Variants in GIGYF2 observed in about 807,000 individuals in gnomAD.
GIGYF2 encodes GRB10 interacting GYF protein 2, also known as GRB10-interacting GYF protein 2.
In GIGYF2, 25 loss-of-function variants were observed where a neutral mutation model predicts 208.1. That is an observed-to-expected ratio of 0.12 (90% CI 0.09 to 0.17). GIGYF2 has a LOEUF of 0.17. GIGYF2 is among the 10% of genes least tolerant of loss of function. GIGYF2 has a pLI of 1.00. For synonymous variants in GIGYF2, 534 were observed against 543.8 expected (o/e 0.98, Z 0.25); for missense variants, 1,302 against 1,579.4 (o/e 0.82, Z 2.98).
At chr2:232,731,317 G>A (rs1697485104) in intron 2 of GIGYF2, 2 of 152,146 alleles carry the variant, frequency 1.3e-5, no homozygotes, top group African/African-American at 4.8e-5. Context: ...TTCACAAATA[G>A]CAAATACTTT....
rs1448827108 is a variant in GIGYF2 at position 232,770,844 on chromosome 2, G to A, written c.532+9408G>A. On this transcript the variant is annotated intron_variant, in intron 8 of 28. Transcript: ENST00000373563. ...CTGACTATACCCTTTCCAAACACCT[G>A]TAGTTTTGTTTTGTTTTGTTTTTGT... The A allele has an allele frequency of 6.8e-6, 8 of 1,184,858 alleles. No individual in the cohort carries two copies. In the African/African-American group the frequency reaches 1.2e-4, roughly 18 times the overall value. The allele number at this position is 1,184,858 out of a possible 1,614,324, so 73.4% of individuals were successfully genotyped here. A position where few individuals can be genotyped will look rare whatever the true frequency, so the allele number is the denominator to read the frequency against.
At chr2:232,798,708 A>G (rs972009226) in intron 14 of GIGYF2, among the ~76,000 whole-genome samples, 47 of 150,772 alleles carry the variant, frequency 3.1e-4, no homozygotes, top group African/African-American at 1.1e-3. Context: ...CTGGCCATCT[A>G]TTTGTCCTCT....
intron 12 of GIGYF2, among the ~76,000 whole-genome samples, chr2:232,792,433 A>G (rs1435747947): frequency 6.6e-6 from 1 of 152,110 alleles, no homozygotes; most frequent in Non-Finnish European, 1.5e-5. Context: ...AAAGCTGATT[A>G]TTTTTTTAAA....
In GIGYF2 at chr2:232,768,544, A is replaced by G. The variant is rs770861822; in HGVS notation, c.532+7108A>G. The G allele has an allele frequency of 4.3e-6, 7 of 1,614,026 alleles. No homozygotes were observed. In the East Asian group the frequency reaches 1.6e-4, roughly 36 times the overall value. On this transcript the variant is annotated intron_variant, in intron 8 of 28. Transcript: ENST00000373563. ...GGACTTGATGGTGTAATGGAGTGAT[A>G]GTACGTTAGTGGAAAGATGAAGAAT...
intron 28 of GIGYF2, among the ~76,000 whole-genome samples, chr2:232,854,210 G>T (rs1191286818): frequency 6.6e-6 from 1 of 152,110 alleles, no homozygotes; most frequent in Non-Finnish European, 1.5e-5. Context: ...ATAAACATTA[G>T]GGTCAGGCAC....
intron 2 of GIGYF2, among the ~76,000 whole-genome samples, chr2:232,710,295 C>T (rs1000630413): frequency 1.3e-5 from 2 of 151,982 alleles, no homozygotes; most frequent in Non-Finnish European, 2.9e-5. Flanking sequence ...CGCTATGTTA[C>T]CTAGGCTGGT....
chr2:232,798,789 C>T (rs1279822670), intron 14 of GIGYF2, among the ~76,000 whole-genome samples: 1 of 148,690 alleles, frequency 6.7e-6, no homozygotes, highest in Non-Finnish European at 1.5e-5. Context: ...GCTTATTTTA[C>T]GTTTTTTTTT....
chr2:232,752,755 T>G (rs1698384055), intron 5 of GIGYF2, among the ~76,000 whole-genome samples: 1 of 152,140 alleles, frequency 6.6e-6, no homozygotes, highest in African/African-American at 2.4e-5. Context: ...TTAGCCAGGA[T>G]GGTCTCGATC....
chr2:232,770,608 ATT>A (rs60972218), intron 8 of GIGYF2, among the ~76,000 whole-genome samples: 117 of 149,916 alleles, frequency 7.8e-4, no homozygotes, highest in African/African-American at 1.3e-3. Context: ...CCTTTTGTTA[ATT>A]TTTTTTTTTT....
chr2:232,770,857 GTTTTGTTTTTGT>G lies in GIGYF2; in HGVS notation c.532+9432_532+9443del, dbSNP rs763335927. On this transcript the variant is annotated intron_variant, in intron 8 of 28. Coordinates refer to ENST00000373563, the MANE Select transcript of GIGYF2 (RefSeq NM_001103146.3). ...TTCCAAACACCTGTAGTTTTGTTTT[GTTTTGTTTTTGT>G]TTTTGTTTTTTTTAAGAACAAAGAC... is the stretch of plus-strand genomic sequence containing the variant. The G allele has an allele frequency of 1.2e-5, 16 of 1,390,484 alleles. No homozygotes were observed. The South Asian group carries it at 1.7e-4, about 14-fold the overall frequency. 86.1% of individuals were successfully genotyped at this position (1,390,484 alleles called of 1,614,324 possible). A position where few individuals can be genotyped will look rare whatever the true frequency, so the allele number is the denominator to read the frequency against.
At chr2:232,729,449 T>C (rs1697351920) in intron 2 of GIGYF2, 6 of 724,526 alleles carry the variant, frequency 8.3e-6, no homozygotes, top group African/African-American at 1.9e-5. Context: ...AATAACTTGG[T>C]TTATTATTTT....
chr2:232,725,165 A>G (rs777170378), intron 2 of GIGYF2, among the ~76,000 whole-genome samples: 11 of 152,140 alleles, frequency 7.2e-5, no homozygotes, highest in Admixed American at 3.9e-4. Context: ...CCTCCAGGTA[A>G]CTATCCTCAG....
At chr2:232,799,960 T>A (rs928283238) in intron 14 of GIGYF2, among the ~76,000 whole-genome samples, 3 of 152,160 alleles carry the variant, frequency 2.0e-5, no homozygotes, top group Non-Finnish European at 4.4e-5. Context: ...TTGCCTTTTT[T>A]TTTTTAATTG....
At chr2:232,758,874 A>G (rs1698642092) in intron 6 of GIGYF2, among the ~76,000 whole-genome samples, 1 of 152,178 alleles carries the variant, frequency 6.6e-6, no homozygotes. Flanking sequence ...GTTATATGAC[A>G]ATTTATATTA....
intron 2 of GIGYF2, among the ~76,000 whole-genome samples, chr2:232,713,950 T>C (rs891598656): frequency 1.2e-4 from 15 of 125,294 alleles, no homozygotes; most frequent in Middle Eastern, 4.8e-3. Context: ...TTTTTTTTTT[T>C]TCTCTTTTTT....
At chr2:232,745,398 A>G (rs1220739387) in intron 3 of GIGYF2, among the ~76,000 whole-genome samples, 1 of 152,180 alleles carries the variant, frequency 6.6e-6, no homozygotes, top group Admixed American at 6.6e-5. Flanking sequence ...GAAGACTGCT[A>G]GGGTCATGTC....
At chr2:232,770,782 A>C in intron 8 of GIGYF2, 1 of 715,072 alleles carries the variant, frequency 1.4e-6, no homozygotes, top group South Asian at 1.7e-5. Flanking sequence ...CCTGCTATCA[A>C]TATAGATAAA....
intron 5 of GIGYF2, among the ~76,000 whole-genome samples, chr2:232,753,097 G>GTATGTATT (rs1292596376): frequency 1.5e-4 from 22 of 143,392 alleles, no homozygotes; most frequent in Admixed American, 2.8e-4. Flanking sequence ...ACACTTGACA[G>GTATGTATT]TATTTATTTA....
rs559395427 is a variant in GIGYF2, at chr2:232,778,845, C to T, written c.533-8305C>T. 3.9e-5 allele frequency among the ~76,000 whole-genome samples: 6 copies of T among 152,192 alleles called. No homozygotes were observed. In the East Asian group the frequency reaches 1.2e-3, roughly 29 times the overall value. ...GTCTAGTTATTGAGATAAAGTCTTT[C>T]AGGTATTGAAAATTAACTTGAGGAA... On this transcript the variant is annotated intron_variant, in intron 8 of 28. Coordinates refer to ENST00000373563, the MANE Select transcript of GIGYF2 (RefSeq NM_001103146.3).
Sources: allele counts gnomAD v4.1 joint callset (sites outside exome capture counted in the v4.1 genomes callset), GRCh38; gene constraint gnomAD v4.1.1; transcripts MANE v1.5; gene names NCBI Gene and HGNC (gene_info 2026-07-23, HGNC 2026-07-21).